The following BRD4 variants were observed in gnomAD, a reference collection of about 807,000 sequenced individuals.
The protein encoded by BRD4 is bromodomain containing 4.
BRD4 carries 16 observed loss-of-function variants against 142.1 expected under a neutral mutation model. The ratio of observed to expected loss-of-function variants is 0.11; its 90% CI spans 0.08 to 0.17. BRD4 has a LOEUF of 0.17. BRD4 is among the 10% of genes least tolerant of loss of function. The pLI is 1.00. For synonymous variants in BRD4, 833 were observed against 707.5 expected (o/e 1.18, Z -2.82); for missense variants, 1,424 against 1,810.9 (o/e 0.79, Z 3.88).
intron 1 of BRD4, among the ~76,000 whole-genome samples, chr19:15,304,174 A>G (rs2047894306): frequency 6.6e-6 from 1 of 152,218 alleles, no homozygotes; most frequent in Non-Finnish European, 1.5e-5. Context: ...CATTCAGAGA[A>G]GGCATACGGT....
In BRD4 at chr19:15,235,729, G is replaced by C. The variant is rs1478849136; in HGVS notation, c.*2648C>G. On this transcript the variant is annotated 3_prime_UTR_variant, in exon 20 of 20. Coordinates refer to ENST00000679869, the MANE Select transcript of BRD4 (RefSeq NM_001379291.1). ...GGGCTTGTACACACCTCTTACTCTGGTATAGGACTAAGATTTCTAGTACTG... is the reference window on the plus strand; with the variant it reads ...GGGCTTGTACACACCTCTTACTCTGCTATAGGACTAAGATTTCTAGTACTG... 1.3e-5 allele frequency: 2 copies of C among 152,168 alleles called. No individual in the cohort carries two copies. Among genetic ancestry groups the C allele is most frequent in the East Asian group, 1.9e-4 (1 of 5,196 alleles). The allele number at this position is 152,168 out of a possible 1,614,324, so 9.4% of individuals were successfully genotyped here.
In BRD4 at chr19:15,243,392, C is replaced by T; in HGVS notation, c.2677G>A (p.Ala893Thr). Residue 893 changes from alanine (A) to threonine (T), a missense_variant, in exon 14 of 20, where the codon GCC becomes ACC. Ala to Thr is a moderately conservative substitution (Grantham distance 58). Transcript: ENST00000679869. The stretch of plus-strand genomic sequence containing the variant: ...GGGAGCAGGGGTGTTTGGGTCAAGG[C>T]TGGTGACACGGCTGGGGGCCGGGCG... ...KPARPPAVSP[A>T]LTQTPLLPQP... is the part of the protein sequence containing the mutation. 1 of 1,533,114 alleles carries T rather than the reference C, an allele frequency of 6.5e-7. No individual in the cohort carries two copies. Among genetic ancestry groups the T allele is most frequent in the East Asian group, 2.4e-5 (1 of 42,144 alleles). 95.0% of individuals were successfully genotyped at this position (1,533,114 alleles called of 1,614,324 possible).
At chr19:15,249,090 C>G (rs760257027) in intron 11 of BRD4, 1 of 905,976 alleles carries the variant, frequency 1.1e-6, no homozygotes, top group Non-Finnish European at 1.7e-6. Flanking sequence ...GCAGCCTTCC[C>G]GAAGGCGGGA....
At position 15,256,110 on chromosome 19, in the gene BRD4, G is replaced by A. The variant is rs201937726; in HGVS notation, c.1705C>T (p.Pro569Ser). ...ENKKSKAKEP[P>S]PKKTKKNNSS... ...TTATTTTTCTTCGTCTTTTTAGGAGGAGGTTCCTTGGCTTTGCTTTTTTTA... is the reference window on the plus strand; with the variant it reads ...TTATTTTTCTTCGTCTTTTTAGGAGAAGGTTCCTTGGCTTTGCTTTTTTTA... The change falls in exon 9 of 20, where the codon CCT (proline) becomes TCT (serine). Residue 569 changes from proline (P) to serine (S), a missense_variant. Pro to Ser is a moderately conservative substitution (Grantham distance 74). This residue lies in a region of BRD4 where 86 missense variants were observed against 78.9 expected (regional missense o/e 1.09). Transcript: ENST00000679869. The A allele has an allele frequency of 1.9e-6, 3 of 1,611,822 alleles. No individual in the cohort carries two copies. Among genetic ancestry groups the A allele is most frequent in the Non-Finnish European group, 2.5e-6 (3 of 1,179,838 alleles).
chr19:15,280,383 C>A (rs541200087), intron 1 of BRD4: 2 of 1,016,760 alleles, frequency 2.0e-6, no homozygotes, highest in South Asian at 9.3e-5. Context: ...TCTGCAGAAG[C>A]AGCTGGGTGC....
chr19:15,244,508 TGGAGGCGGTGGGGGCTGCTGG>T lies in BRD4; in HGVS notation c.2283_2303del (p.Gln762_Pro768del). 1.8e-6 allele frequency: 1 copy of T among 557,398 alleles called. No individual in the cohort carries two copies. 34.5% of individuals were successfully genotyped at this position (557,398 alleles called of 1,614,324 possible). The stretch of plus-strand genomic sequence containing the variant: ...GCGGCTGCTGTTGCTGCTGCGGAGG[TGGAGGCGGTGGGGGCTGCTGG>T]GGAGGCGGGGGCGGCTGCTGGGGCA... On this transcript the variant is annotated inframe_deletion, in exon 13 of 20. Transcript: ENST00000679869.
intron 3 of BRD4, 53 bp from the exon 4 acceptor site, chr19:15,267,604 T>G: frequency 1.3e-6 from 2 of 1,573,842 alleles, no homozygotes; most frequent in Non-Finnish European, 1.7e-6. Context: ...TCCCCACCTC[T>G]GTAGACAGGG....
rs372021833 is a variant in BRD4 at position 15,239,786 on chromosome 19, G to A, written c.3318C>T (p.Pro1106=). The A allele has an allele frequency of 1.2e-6, 2 of 1,613,016 alleles. No individual in the cohort carries two copies. Among genetic ancestry groups the A allele is most frequent in the African/African-American group, 2.7e-5 (2 of 75,048 alleles). The change falls in exon 16 of 20, where the codon CCC becomes CCT. Residue 1106 remains proline, a synonymous_variant. Coordinates refer to ENST00000679869, the MANE Select transcript of BRD4 (RefSeq NM_001379291.1). This position sits in a 1 kb window ranked among gnomAD's most constrained non-coding sequence, Gnocchi z 7.4. ...LRAASVVQPQ[P]LVVVKEEKIH... is the part of the protein sequence containing the mutation. Reference sequence around the variant, plus strand: ...TCTTCTCCTCCTTCACCACCACGAGGGGCTGGGGCTGGACCACGGAGGCAG... The same window carrying A: ...TCTTCTCCTCCTTCACCACCACGAGAGGCTGGGGCTGGACCACGGAGGCAG...
At chr19:15,240,451 G>C (rs2047229635) in intron 14 of BRD4, among the ~76,000 whole-genome samples, 1 of 152,304 alleles carries the variant, frequency 6.6e-6, no homozygotes, top group African/African-American at 2.4e-5. Context: ...CTGCCAACTA[G>C]CCTGGCCCAC....
chr19:15,263,267 A>C (rs144399482), intron 7 of BRD4, among the ~76,000 whole-genome samples, 153 bp downstream of exon 7: 12 of 152,350 alleles, frequency 7.9e-5, no homozygotes, highest in African/African-American at 2.9e-4. Flanking sequence ...AAATGTATGC[A>C]CTAGGCTGAC....
chr19:15,271,166 C>T lies in BRD4; in HGVS notation c.285+1649G>A, dbSNP rs1568391354. Among the ~76,000 whole-genome samples, 9 of 152,260 alleles carry T rather than the reference C, an allele frequency of 5.9e-5. No homozygotes were observed. The South Asian group carries it at 1.9e-3, about 32-fold the overall frequency. ...TGCTGCTTCTCGGCAATCTCAAGTC[C>T]CCCAGCCCTTCCTTCTCCTGTCTTC... is the stretch of plus-strand genomic sequence containing the variant. On this transcript the variant is annotated intron_variant, in intron 2 of 19. Transcript: ENST00000679869.
intron 1 of BRD4, among the ~76,000 whole-genome samples, chr19:15,274,325 G>C (rs1164794800): frequency 1.3e-5 from 2 of 152,196 alleles, no homozygotes; most frequent in Non-Finnish European, 2.9e-5. Context: ...CTTCCATGCA[G>C]CAGGACCAGC....
At chr19:15,257,998 A>C (rs1414575017) in intron 7 of BRD4, among the ~76,000 whole-genome samples, 1 of 152,212 alleles carries the variant, frequency 6.6e-6, no homozygotes, top group Non-Finnish European at 1.5e-5. Context: ...CCAGCTGTCA[A>C]GTCCCTGCCC....
rs376613701 is a variant in BRD4, at chr19:15,240,012, G to A, written c.3180C>T (p.Arg1060=). The A allele has an allele frequency of 1.9e-5, 31 of 1,611,194 alleles. No homozygotes were observed. The highest frequency in any genetic ancestry group is 1.6e-4 in the Middle Eastern group (1 of 6,066). The change falls in exon 15 of 20, where the codon CGC becomes CGT. Residue 1060 remains arginine, a synonymous_variant. Transcript: ENST00000679869. ...KSDPYSTGHL[R]EAPSPLMIHS... is the part of the protein sequence containing the mutation. ...GTATCATAAGCGGGGAGGGGGCTTCGCGGAGGTGACCTAGGAGAAGGGACA... is the reference window on the plus strand; with the variant it reads ...GTATCATAAGCGGGGAGGGGGCTTCACGGAGGTGACCTAGGAGAAGGGACA...
intron 1 of BRD4, among the ~76,000 whole-genome samples, chr19:15,328,305 T>C (rs2048127151): frequency 6.6e-6 from 1 of 152,218 alleles, no homozygotes; most frequent in Non-Finnish European, 1.5e-5. Context: ...CAGGTTTTTA[T>C]TGACAACATG....
At chr19:15,286,791 A>G (rs2047743457) in intron 1 of BRD4, among the ~76,000 whole-genome samples, 1 of 152,178 alleles carries the variant, frequency 6.6e-6, no homozygotes, top group East Asian at 1.9e-4. Context: ...CAGCTTTGAA[A>G]ATTAATTAGA....
intron 1 of BRD4, among the ~76,000 whole-genome samples, chr19:15,313,825 G>A (rs1290611691): frequency 3.3e-5 from 5 of 152,118 alleles, no homozygotes; most frequent in African/African-American, 4.8e-5. Context: ...CAGGCAGGAG[G>A]GTGTGCATCA....
At chr19:15,253,610 C>T in intron 11 of BRD4, 1 of 1,594,312 alleles carries the variant, frequency 6.3e-7, no homozygotes, top group African/African-American at 1.3e-5. Context: ...TAGGCAATGG[C>T]TGGGGCCCAG....
chr19:15,265,790 CA>C (rs2047528513), intron 4 of BRD4, 147 bp from the exon 5 acceptor site: 1 of 876,496 alleles, frequency 1.1e-6, no homozygotes, highest in African/African-American at 1.6e-5. Flanking sequence ...TCCACTCTGC[CA>C]AACCCTTCCA....
Sources: allele counts gnomAD v4.1 joint callset (sites outside exome capture counted in the v4.1 genomes callset), GRCh38; gene constraint gnomAD v4.1.1; regional missense constraint gnomAD v4.1.1; non-coding constraint Gnocchi (gnomAD v3.1); transcripts MANE v1.5; gene names NCBI Gene and HGNC (gene_info 2026-07-23, HGNC 2026-07-21).